The following TM4SF19 variants were observed in gnomAD, a reference collection of about 807,000 sequenced individuals.
The protein encoded by TM4SF19 is transmembrane 4 L6 family member 19.
In TM4SF19, 17 loss-of-function variants were observed where a neutral mutation model predicts 21.8. The observed-to-expected ratio is 0.78, with a 90% confidence interval of 0.53 to 1.17. The LOEUF is 1.17. TM4SF19 is among the 50% of genes most tolerant of loss of function. The pLI, the probability that TM4SF19 is intolerant of heterozygous loss-of-function variation, is 0.00. For missense variants in TM4SF19, 216 were observed against 252.1 expected, an observed-to-expected ratio of 0.86 and a Z score of 0.97; for synonymous variants, 107 against 106.7, an observed-to-expected ratio of 1.00 and a Z score of -0.02.
At chr3:196,327,337 TC>T in intron 2 of TM4SF19, 52 bp downstream of exon 2, 1 of 1,558,512 alleles carries the variant, frequency 6.4e-7, no homozygotes, top group South Asian at 1.1e-5. Flanking sequence ...ACCTTCCTGC[TC>T]CCCGCCGGGG....
chr3:196,326,404 GTGTGTGTGTGTT>G (rs1407372508), intron 3 of TM4SF19, among the ~76,000 whole-genome samples: 6 of 152,164 alleles, frequency 3.9e-5, no homozygotes, highest in South Asian at 2.1e-4. Flanking sequence ...GTGTGTGTGT[GTGTGTGTGTGTT>G]TGTTACACAC....
intron 2 of TM4SF19, 123 bp from the exon 3 acceptor site, chr3:196,327,155 T>C: frequency 1.2e-6 from 1 of 842,868 alleles, no homozygotes; most frequent in Non-Finnish European, 1.9e-6. Flanking sequence ...ACTCTGACTC[T>C]GGGGACCCAC....
chr3:196,332,215 A>G (rs1480822360), intron 1 of TM4SF19, among the ~76,000 whole-genome samples: 1 of 151,862 alleles, frequency 6.6e-6, no homozygotes, highest in African/African-American at 2.4e-5. Flanking sequence ...AGATCACGCC[A>G]GTGCACTCCA....
rs1160629329 is a variant in TM4SF19 at position 196,323,832 on chromosome 3, G to C, written c.615C>G (p.Ser205Arg). The change falls in exon 5 of 5, where the codon AGC becomes AGG. Residue 205 changes from serine to arginine, a missense_variant. Ser to Arg is a moderately radical substitution (Grantham distance 110, BLOSUM62 -1). Transcript: ENST00000273695. ...VINSLLGLFC[S>R]LCEK ...GTTCTGCCTGTCACTTCTCGCAGAGGCTGCAGAAAAGGCCCAGGAGGCTGT... is the reference window on the plus strand; with the variant it reads ...GTTCTGCCTGTCACTTCTCGCAGAGCCTGCAGAAAAGGCCCAGGAGGCTGT... The C allele has an allele frequency of 6.8e-6, 11 of 1,614,172 alleles. No homozygotes were observed. The highest frequency in any genetic ancestry group is 1.3e-5 in the African/African-American group (1 of 75,030).
chr3:196,328,385 A>AAACTAT (rs1727389881), intron 1 of TM4SF19, among the ~76,000 whole-genome samples: 1 of 152,224 alleles, frequency 6.6e-6, no homozygotes, highest in Non-Finnish European at 1.5e-5. Flanking sequence ...TAGAATTAAC[A>AAACTAT]GGTGAGTTTA....
chr3:196,331,567 C>A (rs2108810046), intron 1 of TM4SF19, among the ~76,000 whole-genome samples: 1 of 151,836 alleles, frequency 6.6e-6, no homozygotes, highest in Middle Eastern at 3.4e-3. Flanking sequence ...GCCGGCAGAT[C>A]ACCTGAGGTC....
intron 2 of TM4SF19, 101 bp from the exon 3 acceptor site, chr3:196,327,133 G>A (rs2276711): frequency 0.055 from 53,638 of 976,316 alleles, 1,992 homozygotes; most frequent in South Asian, 0.12. Context: ...TCACATGAAC[G>A]CAGTCCTGTT....
intron 1 of TM4SF19, among the ~76,000 whole-genome samples, chr3:196,337,933 G>C (rs969353849): frequency 6.6e-6 from 1 of 151,980 alleles, no homozygotes; most frequent in African/African-American, 2.4e-5. Flanking sequence ...GCTGGTAACA[G>C]TAAGTACCAG....
intron 1 of TM4SF19, among the ~76,000 whole-genome samples, chr3:196,335,796 C>A (rs541599578): frequency 6.6e-6 from 1 of 152,180 alleles, no homozygotes; most frequent in South Asian, 2.1e-4. Context: ...CCCTCCGAGA[C>A]GGTCCCATCG....
At chr3:196,332,911 A>G (rs1440268921) in intron 1 of TM4SF19, among the ~76,000 whole-genome samples, 3 of 139,782 alleles carry the variant, frequency 2.1e-5, no homozygotes, top group Non-Finnish European at 4.5e-5. Flanking sequence ...GGAGTGCAGT[A>G]GCACAATCAT....
Position 196,327,051 on chromosome 3 carries a change from T to C in TM4SF19, c.202-19A>G. The C allele has an allele frequency of 6.3e-7, 1 of 1,589,786 alleles. No individual in the cohort carries two copies. ...TGAGTACCTGCAGGAGAGAGAAGAA[T>C]GTTGAGATGGGGAAATCGACTTTGC... On this transcript the variant is annotated intron_variant, in intron 2 of 4. Coordinates refer to ENST00000273695, the MANE Select transcript of TM4SF19 (RefSeq NM_138461.4).
intron 1 of TM4SF19, among the ~76,000 whole-genome samples, chr3:196,331,244 C>T (rs1727491680): frequency 1.3e-5 from 2 of 151,098 alleles, no homozygotes; most frequent in Non-Finnish European, 2.9e-5. Context: ...CCATTGCACT[C>T]CAGCCCAGGA....
intron 1 of TM4SF19, among the ~76,000 whole-genome samples, chr3:196,329,144 G>A (rs574502510): frequency 8.0e-6 from 1 of 125,386 alleles, no homozygotes; most frequent in Non-Finnish European, 1.7e-5. Flanking sequence ...GGGTTTCACC[G>A]TGTTAGCCAG....
rs1376901906 is a variant in TM4SF19 at position 196,329,147 on chromosome 3, T to G, written c.-1-1556A>C. Among the ~76,000 whole-genome samples the G allele has an allele frequency of 1.6e-5, 2 of 125,904 alleles. 1 individual carries two copies. The highest frequency in any genetic ancestry group is 3.5e-5 in the Non-Finnish European group (2 of 57,368). 82.6% of individuals were successfully genotyped at this position (125,904 alleles called of 152,430 possible). A position where few individuals can be genotyped will look rare whatever the true frequency, so the allele number is the denominator to read the frequency against. ...TTAGTAGAGACGGGGTTTCACCGTG[T>G]TAGCCAGGACGGTCTTGATCTCCTG... On this transcript the variant is annotated intron_variant, in intron 1 of 4. Transcript: ENST00000273695.
Position 196,323,567 on chromosome 3 carries a change from TG to T in TM4SF19, c.*249del. ...GAGACCCTGGCTGGAGGATATTTTA[TG>T]GACTATAAATTCCTAAACAATTATA... On this transcript the variant is annotated 3_prime_UTR_variant, in exon 5 of 5. Coordinates refer to ENST00000273695, the MANE Select transcript of TM4SF19 (RefSeq NM_138461.4). 1 of 750,636 alleles carries T rather than the reference TG, an allele frequency of 1.3e-6. No homozygotes were observed. Among genetic ancestry groups the T allele is most frequent in the Non-Finnish European group, 2.1e-6 (1 of 477,280 alleles). 46.5% of individuals were successfully genotyped at this position (750,636 alleles called of 1,614,324 possible).
rs548903277 is a variant in TM4SF19, at chr3:196,325,144, C to T, written c.280-704G>A. 2 of 152,400 alleles carry T rather than the reference C, an allele frequency of 1.3e-5. No homozygotes were observed. The highest frequency in any genetic ancestry group is 4.8e-5 in the African/African-American group (2 of 41,574). 9.4% of individuals were successfully genotyped at this position (152,400 alleles called of 1,614,324 possible). ...TTTCCTTCCTTGACAGGTTTCTAGC[C>T]TGCTTCTACATTGGCTTCTTTCTCG... On this transcript the variant is annotated intron_variant, in intron 3 of 4. Coordinates refer to ENST00000273695, the MANE Select transcript of TM4SF19 (RefSeq NM_138461.4). This position sits in a 1 kb window ranked among gnomAD's most constrained non-coding sequence, Gnocchi z 4.3.
At position 196,323,962 on chromosome 3, in the gene TM4SF19, A is replaced by T. The variant is rs1314467383; in HGVS notation, c.485T>A (p.Val162Asp). 1 of 1,614,122 alleles carries T rather than the reference A, an allele frequency of 6.2e-7. No homozygotes were observed. The highest frequency in any genetic ancestry group is 8.5e-7 in the Non-Finnish European group (1 of 1,180,014). The change falls in exon 5 of 5, where the codon GTC becomes GAC. Residue 162 changes from valine (V) to aspartate (D), a missense_variant. Physicochemically the swap from Val to Asp is radical, Grantham distance 152. Transcript: ENST00000273695. ...AACAGCTGCAGAGGGCTCCAGGCAG[A>T]CGGAGTTCCAGAGCGAACGGTCATA... Reference protein sequence around the residue: ...YLYDRSLWNSVCLEPSAAVVW... With the variant: ...YLYDRSLWNSDCLEPSAAVVW...
chr3:196,323,916 G>A lies in TM4SF19; in HGVS notation c.531C>T (p.Phe177=). Residue 177 remains phenylalanine, a synonymous_variant, in exon 5 of 5, where the codon TTC becomes TTT. Coordinates refer to ENST00000273695, the MANE Select transcript of TM4SF19 (RefSeq NM_138461.4). The part of the protein sequence containing the change: ...SAAVVWHVSL[F]SALLCISLLQ... The stretch of plus-strand genomic sequence containing the variant: ...GCAGGCTGATGCACAGAAGGGCGGA[G>A]AAGAGGGACACGTGCCAGACAACAG... The A allele has an allele frequency of 6.2e-7, 1 of 1,614,146 alleles. No homozygotes were observed.
chr3:196,326,603 A>T lies in TM4SF19; in HGVS notation c.279+352T>A, dbSNP rs574447647. ...AATATTAGTTAAAATAACTAGGAAA[A>T]TTTCCATCAATGACACATGATTACA... On this transcript the variant is annotated intron_variant, in intron 3 of 4. Transcript: ENST00000273695. Among the ~76,000 whole-genome samples the T allele has an allele frequency of 6.6e-5, 10 of 152,086 alleles. No individual in the cohort carries two copies. The East Asian group carries it at 1.9e-3, about 29-fold the overall frequency.
Sources: allele counts gnomAD v4.1 joint callset (sites outside exome capture counted in the v4.1 genomes callset), GRCh38; gene constraint gnomAD v4.1.1; non-coding constraint Gnocchi (gnomAD v3.1); transcripts MANE v1.5; gene names NCBI Gene and HGNC (gene_info 2026-07-23, HGNC 2026-07-21).